SORCS3: variants seen among roughly 807,000 people sequenced by gnomAD.
SORCS3 encodes the protein sortilin related VPS10 domain containing receptor 3.
SORCS3 carries 57 observed loss-of-function variants against 146.3 expected under a neutral mutation model. The ratio of observed to expected loss-of-function variants is 0.39; its 90% CI spans 0.31 to 0.49. The LOEUF is 0.49. Among genes scored for constraint, SORCS3 ranks in the 20% least tolerant of loss-of-function variants. The probability of loss-of-function intolerance (pLI) is 0.92; values close to 1 mark genes in which losing one functional copy is unlikely to be tolerated. For missense variants in SORCS3, 1,341 were observed against 1,575.5 expected (o/e 0.85, Z 2.52); for synonymous variants, 653 against 618.5 (o/e 1.06, Z -0.83).
At position 104,696,539 on chromosome 10, in the gene SORCS3, C is replaced by CGT. The variant is rs1307571990; in HGVS notation, c.627+54585_627+54586insGT. 3.0e-3 allele frequency among the ~76,000 whole-genome samples: 170 copies of CGT among 55,836 alleles called. 21 individuals are homozygous for CGT. The highest frequency in any genetic ancestry group is 0.011 in the African/African-American group (142 of 13,372). 36.6% of individuals were successfully genotyped at this position (55,836 alleles called of 152,430 possible). A position where few individuals can be genotyped will look rare whatever the true frequency, so the allele number is the denominator to read the frequency against. Reference sequence around the variant, plus strand: ...TATAATATAGAATATATATTATATACATATATAATATAGAATATATAATAT... The same window carrying CGT: ...TATAATATAGAATATATATTATATACGTATATATAATATAGAATATATAATAT... On this transcript the variant is annotated intron_variant, in intron 1 of 26. Coordinates refer to ENST00000369701, the MANE Select transcript of SORCS3 (RefSeq NM_014978.3).
At chr10:104,919,056 G>A (rs2019060270) in intron 3 of SORCS3, among the ~76,000 whole-genome samples, 2 of 152,152 alleles carry the variant, frequency 1.3e-5, no homozygotes, top group African/African-American at 4.8e-5. Context: ...AGAGACAAGG[G>A]ATGGATTAAG....
At chr10:105,087,454 T>C (rs2055670479) in intron 5 of SORCS3, among the ~76,000 whole-genome samples, 2 of 149,216 alleles carry the variant, frequency 1.3e-5, no homozygotes, top group African/African-American at 2.5e-5. Context: ...TTGGGATACA[T>C]TGGGTTAACA....
At chr10:105,006,303 C>T (rs1736821104) in intron 4 of SORCS3, among the ~76,000 whole-genome samples, 1 of 152,074 alleles carries the variant, frequency 6.6e-6, no homozygotes, top group Non-Finnish European at 1.5e-5. Context: ...CATTTCATAC[C>T]CTGCAATCAG....
intron 2 of SORCS3, among the ~76,000 whole-genome samples, chr10:104,914,294 T>C (rs374550177): frequency 6.6e-6 from 1 of 152,122 alleles, no homozygotes; most frequent in South Asian, 2.1e-4. Context: ...CATGACACTA[T>C]TGAAGAGTTA....
intron 1 of SORCS3, among the ~76,000 whole-genome samples, chr10:104,739,553 A>G (rs1328762631): frequency 6.6e-6 from 1 of 152,188 alleles, no homozygotes; most frequent in Non-Finnish European, 1.5e-5. Flanking sequence ...AAGACACTTT[A>G]GACAGAGGCC....
chr10:105,250,431 G>C (rs910797118), intron 22 of SORCS3, among the ~76,000 whole-genome samples: 1 of 152,162 alleles, frequency 6.6e-6, no homozygotes, highest in Non-Finnish European at 1.5e-5. Context: ...AGTCCTGTCA[G>C]TTGATTCTCA....
At chr10:104,883,706 C>G (rs1009199320) in intron 2 of SORCS3, among the ~76,000 whole-genome samples, 1 of 152,108 alleles carries the variant, frequency 6.6e-6, no homozygotes, top group African/African-American at 2.4e-5. Context: ...TTTGAATGCT[C>G]TGAAAGGAGA....
At chr10:104,873,861 G>GT (rs1276746441) in intron 2 of SORCS3, among the ~76,000 whole-genome samples, 2 of 152,250 alleles carry the variant, frequency 1.3e-5, no homozygotes, top group African/African-American at 4.8e-5. Flanking sequence ...GGGCCCTGTG[G>GT]TATGTGTTGA....
intron 10 of SORCS3, 74 bp from the exon 11 acceptor site, chr10:105,158,818 G>A (rs978977687): frequency 8.8e-7 from 1 of 1,131,368 alleles, no homozygotes; most frequent in African/African-American, 1.5e-5. Flanking sequence ...ACATCGGGAA[G>A]CCCATCTCTA....
At chr10:104,986,039 C>G (rs2054960317) in intron 4 of SORCS3, among the ~76,000 whole-genome samples, 1 of 152,330 alleles carries the variant, frequency 6.6e-6, no homozygotes, top group Non-Finnish European at 1.5e-5. Context: ...TCCTTTGAAG[C>G]TTTGAAGCCA....
chr10:104,858,133 C>G (rs2018355232), intron 2 of SORCS3, among the ~76,000 whole-genome samples: 2 of 152,088 alleles, frequency 1.3e-5, no homozygotes, highest in African/African-American at 4.8e-5. Flanking sequence ...TATTTAAATT[C>G]TTGTGTAATA....
intron 1 of SORCS3, among the ~76,000 whole-genome samples, chr10:104,689,466 T>C (rs1462990061): frequency 6.6e-6 from 1 of 152,234 alleles, no homozygotes; most frequent in African/African-American, 2.4e-5. Flanking sequence ...ATTATATCTT[T>C]TAATCATTCA....
intron 1 of SORCS3, among the ~76,000 whole-genome samples, chr10:104,727,440 C>CTGTT (rs1488112273): frequency 6.6e-6 from 1 of 151,840 alleles, no homozygotes; most frequent in Admixed American, 6.6e-5. Flanking sequence ...TCCTATCCTT[C>CTGTT]TGTTTGTCCA....
chr10:104,731,774 G>C (rs1180563083), intron 1 of SORCS3, among the ~76,000 whole-genome samples: 1 of 152,198 alleles, frequency 6.6e-6, no homozygotes, highest in Non-Finnish European at 1.5e-5. Flanking sequence ...TCTAGAATTT[G>C]CCTGATGCTC....
chr10:105,061,970 T>G (rs1191399131), intron 5 of SORCS3, among the ~76,000 whole-genome samples: 1 of 152,184 alleles, frequency 6.6e-6, no homozygotes, highest in Admixed American at 6.5e-5. Context: ...CTGAGAGCCA[T>G]GAGCCACCCA....
chr10:105,237,940 A>G (rs989834465), intron 20 of SORCS3, among the ~76,000 whole-genome samples: 2 of 152,126 alleles, frequency 1.3e-5, no homozygotes, highest in African/African-American at 4.8e-5. Flanking sequence ...AAATCATCCT[A>G]CTGATAAGAG....
At chr10:104,974,850 TG>T (rs1589574434) in intron 3 of SORCS3, among the ~76,000 whole-genome samples, 1 of 152,186 alleles carries the variant, frequency 6.6e-6, no homozygotes, top group Admixed American at 6.5e-5. Context: ...TTCCTTTCCA[TG>T]TTTAGTGCTT....
chr10:105,148,762 T>C (rs761801680), intron 9 of SORCS3, among the ~76,000 whole-genome samples: 8 of 152,204 alleles, frequency 5.3e-5, no homozygotes, highest in Non-Finnish European at 1.0e-4. Flanking sequence ...TTCTACTTTA[T>C]AGTGGTCTCC....
At position 105,262,322 on chromosome 10, in the gene SORCS3, C is replaced by G. The variant is rs370887965; in HGVS notation, c.3444-9C>G. On this transcript the variant is annotated splice_polypyrimidine_tract_variant and intron_variant, in intron 25 of 26. Coordinates refer to ENST00000369701, the MANE Select transcript of SORCS3 (RefSeq NM_014978.3). ...GATCTTAACCTGATTTTGCTCCTGT[C>G]CCATGTAGGAAAATCCCTTGGATTA... 31 of 1,611,436 alleles carry G rather than the reference C, an allele frequency of 1.9e-5. No homozygotes were observed. The highest frequency in any genetic ancestry group is 2.5e-5 in the Non-Finnish European group (30 of 1,177,960).
Sources: gnomAD v4.1 joint callset for allele counts (sites outside exome capture counted in the v4.1 genomes callset) on GRCh38, gnomAD v4.1.1 for gene constraint, MANE v1.5 for transcripts, NCBI Gene and HGNC (gene_info 2026-07-23, HGNC 2026-07-21) for gene names.